Variants in PRLR observed in about 807,000 individuals in gnomAD.
PRLR encodes the protein prolactin receptor, also known as hPRL receptor.
A neutral mutation model predicts 40.2 loss-of-function variants in PRLR; 13 were observed. The ratio of observed to expected loss-of-function variants is 0.32; its 90% CI spans 0.21 to 0.51. The LOEUF (loss-of-function observed/expected upper bound fraction) is 0.51. PRLR is among the 20% of genes least tolerant of loss of function. PRLR has a pLI of 0.97. For synonymous variants in PRLR, 269 were observed against 278.7 expected (o/e 0.97, Z 0.35); for missense variants, 656 against 747.3 (o/e 0.88, Z 1.42).
At chr5:35,173,824 T>A (rs1775066461) in intron 1 of PRLR, among the ~76,000 whole-genome samples, 1 of 152,228 alleles carries the variant, frequency 6.6e-6, no homozygotes, top group African/African-American at 2.4e-5. Context: ...GTTGTTTCTT[T>A]TCTTTTCTTT....
chr5:35,153,267 T>C (rs1193320765), intron 1 of PRLR, among the ~76,000 whole-genome samples: 2 of 152,246 alleles, frequency 1.3e-5, no homozygotes, highest in African/African-American at 4.8e-5. Flanking sequence ...AATTTGCTTC[T>C]TGATAACTTG....
intron 1 of PRLR, among the ~76,000 whole-genome samples, chr5:35,125,767 T>C (rs182922823): frequency 6.6e-6 from 1 of 152,356 alleles, no homozygotes; most frequent in East Asian, 1.9e-4. Context: ...TAGGATTATT[T>C]AAGATCAGTA....
chr5:35,208,505 T>C (rs567279297), intron 1 of PRLR, among the ~76,000 whole-genome samples: 3 of 152,342 alleles, frequency 2.0e-5, no homozygotes, highest in African/African-American at 7.2e-5. Flanking sequence ...TTTTCTGTCT[T>C]ACCTCTTGTG....
Position 35,075,780 on chromosome 5 carries a change from C to G in PRLR, c.374-3036G>C, listed in dbSNP as rs559640270. 1.4e-4 allele frequency among the ~76,000 whole-genome samples: 21 copies of G among 152,336 alleles called. No homozygotes were observed. In the South Asian group the frequency reaches 3.5e-3, roughly 26 times the overall value. On this transcript the variant is annotated intron_variant, in intron 5 of 9. Transcript: ENST00000618457. ...ACCCCCGAGTAGCCTAACTAGGAGACACTTCCCAGTAGGGGCCGACTGACA... is the reference window on the plus strand; with the variant it reads ...ACCCCCGAGTAGCCTAACTAGGAGAGACTTCCCAGTAGGGGCCGACTGACA...
chr5:35,096,381 G>A (rs1388266490), intron 2 of PRLR, among the ~76,000 whole-genome samples: 9 of 152,126 alleles, frequency 5.9e-5, no homozygotes, highest in African/African-American at 1.7e-4. Context: ...GGAATTGGAT[G>A]AGTTTCAATT....
intron 2 of PRLR, among the ~76,000 whole-genome samples, chr5:35,104,920 C>T (rs1228123496): frequency 1.3e-5 from 2 of 152,230 alleles, no homozygotes; most frequent in East Asian, 3.8e-4. Flanking sequence ...CAGACTGCCT[C>T]CTCAAGTGGG....
intron 1 of PRLR, among the ~76,000 whole-genome samples, chr5:35,198,924 G>A (rs987159030): frequency 3.3e-5 from 5 of 152,142 alleles, no homozygotes; most frequent in Non-Finnish European, 1.5e-5. Context: ...CAGCTGATCT[G>A]CTCTCCGTGA....
At chr5:35,150,401 G>T (rs1361541651) in intron 1 of PRLR, among the ~76,000 whole-genome samples, 1 of 152,152 alleles carries the variant, frequency 6.6e-6, no homozygotes, top group African/African-American at 2.4e-5. Context: ...TCTGCTTTTG[G>T]AAAATAAGAG....
rs1344634247 is a variant in PRLR, at chr5:35,056,385, G to A, written c.*8704C>T. 6.6e-6 allele frequency: 1 copy of A among 152,142 alleles called. No individual in the cohort carries two copies. The highest frequency in any genetic ancestry group is 1.5e-5 in the Non-Finnish European group (1 of 68,038). The allele number at this position is 152,142 out of a possible 1,614,324, so 9.4% of individuals were successfully genotyped here. On this transcript the variant is annotated 3_prime_UTR_variant, in exon 10 of 10. Coordinates refer to ENST00000618457, the MANE Select transcript of PRLR (RefSeq NM_000949.7). ...TATTCTGGCCAGGAAGGTCCCTGGT[G>A]GGGGCTTTTCAATAATTCTATTTCT...
At chr5:35,090,269 A>G (rs895528902) in intron 2 of PRLR, among the ~76,000 whole-genome samples, 1 of 151,966 alleles carries the variant, frequency 6.6e-6, no homozygotes, top group African/African-American at 2.4e-5. Context: ...GGAAAGCCCC[A>G]TAAACAAAAG....
At chr5:35,215,584 T>A (rs1216212245) in intron 1 of PRLR, among the ~76,000 whole-genome samples, 1 of 152,184 alleles carries the variant, frequency 6.6e-6, no homozygotes, top group Non-Finnish European at 1.5e-5. Context: ...GAGAGGTAAC[T>A]CACTTGCTCC....
intron 1 of PRLR, among the ~76,000 whole-genome samples, chr5:35,124,321 G>A (rs1001484862): frequency 1.3e-5 from 2 of 152,056 alleles, no homozygotes; most frequent in African/African-American, 2.4e-5. Context: ...AGATTGCTAC[G>A]GCCAAGGATG....
chr5:35,091,112 A>G (rs959347062), intron 2 of PRLR, among the ~76,000 whole-genome samples: 5 of 152,056 alleles, frequency 3.3e-5, no homozygotes, highest in Non-Finnish European at 7.4e-5. Flanking sequence ...GTGCCCGGCC[A>G]AGTAGCTCTT....
chr5:35,136,950 G>GGAA (rs1554050886), intron 1 of PRLR, among the ~76,000 whole-genome samples: 17 of 119,940 alleles, frequency 1.4e-4, no homozygotes, highest in African/African-American at 4.2e-4. Context: ...GAAAGAAAAA[G>GGAA]AAAAAAAAAA....
intron 1 of PRLR, among the ~76,000 whole-genome samples, chr5:35,197,646 G>A (rs2111594354): frequency 6.6e-6 from 1 of 152,344 alleles, no homozygotes. Context: ...AAGTTTGGGT[G>A]GAGGCTGAAG....
chr5:35,090,018 G>A (rs968009309), intron 2 of PRLR, among the ~76,000 whole-genome samples: 2 of 152,136 alleles, frequency 1.3e-5, no homozygotes, highest in African/African-American at 4.8e-5. Context: ...TAGATTGTAT[G>A]TCCTATGGGA....
intron 1 of PRLR, among the ~76,000 whole-genome samples, chr5:35,138,140 A>G (rs552799558): frequency 1.3e-4 from 20 of 152,218 alleles, no homozygotes; most frequent in Non-Finnish European, 2.8e-4. Flanking sequence ...ATGTTCGACA[A>G]AAATTAGAAG....
intron 1 of PRLR, among the ~76,000 whole-genome samples, chr5:35,176,647 C>G (rs923027366): frequency 3.9e-5 from 6 of 152,180 alleles, no homozygotes; most frequent in African/African-American, 9.7e-5. Flanking sequence ...TCACCACTCC[C>G]TAATCTCAAG....
At chr5:35,212,665 T>C (rs768317599) in intron 1 of PRLR, among the ~76,000 whole-genome samples, 10 of 152,210 alleles carry the variant, frequency 6.6e-5, no homozygotes, top group Non-Finnish European at 1.2e-4. Context: ...AAAATAATAA[T>C]ATAGAAGCCT....
Sources: gnomAD v4.1 joint callset for allele counts (sites outside exome capture counted in the v4.1 genomes callset) on GRCh38, gnomAD v4.1.1 for gene constraint, MANE v1.5 for transcripts, NCBI Gene and HGNC (gene_info 2026-07-23, HGNC 2026-07-21) for gene names.